Variants in CLEC4F observed in about 807,000 individuals in gnomAD.
CLEC4F encodes the protein C-type lectin domain family 4 member F.
Under a neutral mutation model 53.4 loss-of-function variants are expected in CLEC4F, and 45 were observed. That is an observed-to-expected ratio of 0.84 (90% CI 0.66 to 1.08). The LOEUF (loss-of-function observed/expected upper bound fraction) is 1.08, where lower values mean the gene tolerates loss of function less well. Ranked by LOEUF, CLEC4F falls within the 50% of genes least tolerant of loss-of-function variation. CLEC4F has a pLI of 0.00. For synonymous variants in CLEC4F, 245 were observed against 257.5 expected, an observed-to-expected ratio of 0.95 and a Z score of 0.46; for missense variants, 753 against 698.2, an observed-to-expected ratio of 1.08 and a Z score of -0.88.
rs57049483 is a variant in CLEC4F at position 70,813,225 on chromosome 2, G to T, written c.1388-627C>A. 3.2e-3 allele frequency among the ~76,000 whole-genome samples: 495 copies of T among 152,316 alleles called. 3 individuals are homozygous for T. Among genetic ancestry groups the T allele is most frequent in the African/African-American group, 0.011 (476 of 41,582 alleles). On this transcript the variant is annotated intron_variant, in intron 4 of 6. Coordinates refer to ENST00000272367, the MANE Select transcript of CLEC4F (RefSeq NM_173535.3). ...ACCAAATTGTTCTTTTGTTCAACGT[G>T]CATTGTGCAACGTTCCTTAACTTCT...
intron 4 of CLEC4F, among the ~76,000 whole-genome samples, chr2:70,813,397 G>A (rs1005591398): frequency 3.9e-5 from 6 of 152,158 alleles, no homozygotes; most frequent in Non-Finnish European, 7.3e-5. Context: ...GAATAGTCAC[G>A]GAAGAAGGTA....
chr2:70,810,852 T>C, intron 5 of CLEC4F: 1 of 553,308 alleles, frequency 1.8e-6, no homozygotes, highest in Non-Finnish European at 3.5e-6. Context: ...CTAAAATTGG[T>C]ACAATCAGGT....
chr2:70,822,331 C>T (rs1462929815), upstream of CLEC4F, among the ~76,000 whole-genome samples: 1 of 152,196 alleles, frequency 6.6e-6, no homozygotes, highest in African/African-American at 2.4e-5. Context: ...GGATCCATGC[C>T]TCCTGAGGTG....
At chr2:70,818,836 TA>T (rs1348251405) in intron 3 of CLEC4F, among the ~76,000 whole-genome samples, 3 of 149,680 alleles carry the variant, frequency 2.0e-5, no homozygotes, top group East Asian at 3.9e-4. Flanking sequence ...ATAACAGAAA[TA>T]AAATGATAAA....
At position 70,808,899 on chromosome 2, in the gene CLEC4F, C is replaced by T. The variant is rs911732878; in HGVS notation, c.*372G>A. On this transcript the variant is annotated 3_prime_UTR_variant, in exon 7 of 7. Coordinates refer to ENST00000272367, the MANE Select transcript of CLEC4F (RefSeq NM_173535.3). ...GAGGAGGAGGGTCAGTATTGGCAAG[C>T]AGGAGCAGCCCCTCAGCTCTGGCCT... 1 of 619,168 alleles carries T rather than the reference C, an allele frequency of 1.6e-6. No homozygotes were observed. The highest frequency in any genetic ancestry group is 2.8e-5 in the Admixed American group (1 of 35,426). The allele number at this position is 619,168 out of a possible 1,614,324, so 38.4% of individuals were successfully genotyped here. A position where few individuals can be genotyped will look rare whatever the true frequency, so the allele number is the denominator to read the frequency against.
At chr2:70,823,163 G>T (rs1677269913), upstream of CLEC4F, among the ~76,000 whole-genome samples, 1 of 152,088 alleles carries the variant, frequency 6.6e-6, no homozygotes, top group Non-Finnish European at 1.5e-5. Context: ...AGTGTTAGGG[G>T]CCCAATGTGT....
At chr2:70,814,868 G>T (rs140952787) in intron 4 of CLEC4F, among the ~76,000 whole-genome samples, 1,623 of 151,066 alleles carry the variant, frequency 0.011, 8 homozygotes, top group Non-Finnish European at 0.018. Flanking sequence ...AGTTCTGGAG[G>T]TGGGTCCCCA....
In CLEC4F at chr2:70,819,836, C is replaced by T. The variant is rs375712236; in HGVS notation, c.117G>A (p.Gln39=). 2 of 1,609,406 alleles carry T rather than the reference C, an allele frequency of 1.2e-6. No homozygotes were observed. Among genetic ancestry groups the T allele is most frequent in the African/African-American group, 2.7e-5 (2 of 74,740 alleles). The change falls in exon 2 of 7, where the codon CAG becomes CAA. Residue 39 remains glutamine, a synonymous_variant. Coordinates refer to ENST00000272367, the MANE Select transcript of CLEC4F (RefSeq NM_173535.3). The part of the protein sequence containing the change: ...PAAPKIPRLV[Q]ATPAFMAVTL... The stretch of plus-strand genomic sequence containing the variant: ...TCACAGCCATAAATGCCGGGGTAGC[C>T]TGAACGAGCCTCGGTATCTTGGGGG...
intron 5 of CLEC4F, among the ~76,000 whole-genome samples, chr2:70,811,852 A>C (rs1676584235): frequency 6.6e-6 from 1 of 152,088 alleles, no homozygotes; most frequent in Non-Finnish European, 1.5e-5. Flanking sequence ...TCGGTGAATA[A>C]CTTGAGCCCA....
Position 70,816,628 on chromosome 2 carries a change from A to C in CLEC4F, c.753T>G (p.Asn251Lys). The change falls in exon 4 of 7, where the codon AAT (asparagine) becomes AAG (lysine). Residue 251 changes from asparagine to lysine, a missense_variant. Transcript: ENST00000272367. The part of the protein sequence containing the change: ...QLANSSLKNA[N>K]AEIYVLRGHL... ...GGCCTCTCAAAACATAGATCTCAGC[A>C]TTAGCGTTCTTTAAACTGCTATTGG... 2.5e-6 allele frequency: 4 copies of C among 1,614,188 alleles called. No individual in the cohort carries two copies. The highest frequency in any genetic ancestry group is 3.4e-6 in the Non-Finnish European group (4 of 1,180,044).
chr2:70,819,976 G>C, intron 1 of CLEC4F, 85 bp from the exon 2 acceptor site: 1 of 868,926 alleles, frequency 1.2e-6, no homozygotes, highest in Non-Finnish European at 1.8e-6. Flanking sequence ...CAGCCTCTCT[G>C]ATTCTGTTTC....
chr2:70,816,653 G>T lies in CLEC4F; in HGVS notation c.728C>A (p.Ala243Asp), dbSNP rs1553396153. The T allele has an allele frequency of 5.0e-6, 8 of 1,614,120 alleles. No individual in the cohort carries two copies. The highest frequency in any genetic ancestry group is 1.7e-5 in the Admixed American group (1 of 60,026). The change falls in exon 4 of 7, where the codon GCC becomes GAC. Residue 243 changes from alanine to aspartate, a missense_variant. Physicochemically the swap from Ala to Asp is moderately radical, Grantham distance 126. Coordinates refer to ENST00000272367, the MANE Select transcript of CLEC4F (RefSeq NM_173535.3). ...ATTAGCGTTCTTTAAACTGCTATTG[G>T]CTAACTGAGCCTGGGTATTTGCCGT... Reference protein sequence around the residue: ...LETANTQAQLANSSLKNANAE... With the variant: ...LETANTQAQLDNSSLKNANAE...
rs1553394596 is a variant in CLEC4F, at chr2:70,812,645, G to C, written c.1388-47C>G. On this transcript the variant is annotated intron_variant, in intron 4 of 6. Transcript: ENST00000272367. ...AAAGAGAACCAGGAGCTGCTGGTAG[G>C]AGTCCCAGAAGGAACTTTTCTGACC... 4 of 1,603,794 alleles carry C rather than the reference G, an allele frequency of 2.5e-6. No individual in the cohort carries two copies. The African/African-American group carries it at 4.0e-5, about 16-fold the overall frequency.
At chr2:70,820,765 C>G (rs750303865), upstream of CLEC4F, among the ~76,000 whole-genome samples, 11 of 152,172 alleles carry the variant, frequency 7.2e-5, no homozygotes, top group African/African-American at 2.7e-4. Flanking sequence ...AGCACCTTCC[C>G]GTCAGTTCTC....
intron 4 of CLEC4F, 149 bp downstream of exon 4, chr2:70,815,845 T>C: frequency 1.2e-6 from 1 of 847,910 alleles, no homozygotes; most frequent in Non-Finnish European, 1.8e-6. Context: ...TCACACCATC[T>C]CTACAACTGC....
intron 4 of CLEC4F, among the ~76,000 whole-genome samples, chr2:70,814,409 G>C (rs1461817500): frequency 6.6e-6 from 1 of 152,162 alleles, no homozygotes; most frequent in East Asian, 1.9e-4. Context: ...GGTTCGAAAA[G>C]TGTGGTCCCA....
chr2:70,810,724 G>C, intron 5 of CLEC4F: 1 of 359,574 alleles, frequency 2.8e-6, no homozygotes. Flanking sequence ...CACGATTGAT[G>C]TGTCTAAAAT....
intron 2 of CLEC4F, 134 bp downstream of exon 2, chr2:70,819,641 C>G (rs1403231584): frequency 1.2e-6 from 1 of 837,116 alleles, no homozygotes; most frequent in African/African-American, 1.7e-5. Context: ...GAAGCTGTGG[C>G]TTGGGCCTGG....
Position 70,816,083 on chromosome 2 carries a change from G to T in CLEC4F, c.1298C>A (p.Ala433Asp). ...CTCCTGCTGGATTTCCATGGTTAGA[G>T]CTTTGGTGTTCTCTAGATCCCCTCT... ...RLRGDLENTK[A>D]LTMEIQQEQS... Residue 433 changes from alanine to aspartate, a missense_variant, in exon 4 of 7, where the codon GCT becomes GAT. Physicochemically the swap from Ala to Asp is moderately radical, Grantham distance 126 (BLOSUM62 -2). Coordinates refer to ENST00000272367, the MANE Select transcript of CLEC4F (RefSeq NM_173535.3). 6.2e-7 allele frequency: 1 copy of T among 1,614,206 alleles called. No individual in the cohort carries two copies. Among genetic ancestry groups the T allele is most frequent in the African/African-American group, 1.3e-5 (1 of 75,050 alleles).
Sources: gnomAD v4.1 joint callset for allele counts (sites outside exome capture counted in the v4.1 genomes callset) on GRCh38, gnomAD v4.1.1 for gene constraint, MANE v1.5 for transcripts, NCBI Gene and HGNC (gene_info 2026-07-23, HGNC 2026-07-21) for gene names.